The following ALOX5 variants were observed in gnomAD, a reference collection of about 807,000 sequenced individuals.
ALOX5 encodes the protein polyunsaturated fatty acid 5-lipoxygenase.
In ALOX5, 64 loss-of-function variants were observed where a neutral mutation model predicts 87.9. The observed-to-expected ratio is 0.73, with a 90% CI of 0.60 to 0.90. ALOX5 has a LOEUF of 0.90. Among genes scored for constraint, ALOX5 ranks in the 40% least tolerant of loss-of-function variants. ALOX5 has a pLI of 0.00. For missense variants in ALOX5, 822 were observed against 907.5 expected, an observed-to-expected ratio of 0.91 and a Z score of 1.21; for synonymous variants, 388 against 355.1, an observed-to-expected ratio of 1.09 and a Z score of -1.04.
At chr10:45,412,559 G>C (rs1233749397) in intron 4 of ALOX5, among the ~76,000 whole-genome samples, 1 of 152,212 alleles carries the variant, frequency 6.6e-6, no homozygotes, top group African/African-American at 2.4e-5. Flanking sequence ...TTGGCCCAAA[G>C]CAGGGGTCTT....
rs1234943929 is a variant in ALOX5, at chr10:45,385,214, G to T, written c.349+2533G>T. On this transcript the variant is annotated intron_variant, in intron 2 of 13. Coordinates refer to ENST00000374391, the MANE Select transcript of ALOX5 (RefSeq NM_000698.5). ...CTTGAACAACCTGGAAATGAGGGGG[G>T]CCAGCCTACAAGTGATTCAATTACT... 2.0e-5 allele frequency among the ~76,000 whole-genome samples: 3 copies of T among 152,170 alleles called. No homozygotes were observed. In the East Asian group the frequency reaches 5.8e-4, roughly 29 times the overall value.
At chr10:45,426,870 C>T (rs1333548847) in intron 6 of ALOX5, among the ~76,000 whole-genome samples, 1 of 152,134 alleles carries the variant, frequency 6.6e-6, no homozygotes, top group East Asian at 1.9e-4. Flanking sequence ...TTCAGATTTA[C>T]CTTCCACCAG....
intron 1 of ALOX5, among the ~76,000 whole-genome samples, chr10:45,379,302 A>G (rs528546246): frequency 1.3e-4 from 20 of 151,774 alleles, no homozygotes; most frequent in Non-Finnish European, 8.8e-5. Flanking sequence ...CCAGCCCCTC[A>G]GAGCCATAGG....
intron 4 of ALOX5, among the ~76,000 whole-genome samples, chr10:45,415,781 G>A (rs1012026945): frequency 6.6e-5 from 10 of 152,208 alleles, no homozygotes; most frequent in South Asian, 2.1e-4. Flanking sequence ...AGTCAGTTAT[G>A]TATTCCTCTT....
Position 45,391,010 on chromosome 10 carries a change from T to TCTCCCCTCTCC in ALOX5, c.350-4844_350-4843insTCCCCTCTCCC, listed in dbSNP as rs1564416256. ...TCTCCCCTCTCCCCTCTCCCCTCTCTCCTCTCCCATCTCCCCTCTCCCCTC... is the reference window on the plus strand; with the variant it reads ...TCTCCCCTCTCCCCTCTCCCCTCTCTCTCCCCTCTCCCCTCTCCCATCTCCCCTCTCCCCTC... On this transcript the variant is annotated intron_variant, in intron 2 of 13. Coordinates refer to ENST00000374391, the MANE Select transcript of ALOX5 (RefSeq NM_000698.5). Among the ~76,000 whole-genome samples, 30 of 29,364 alleles carry TCTCCCCTCTCC rather than the reference T, an allele frequency of 1.0e-3. 5 individuals carry two copies. Among genetic ancestry groups the TCTCCCCTCTCC allele is most frequent in the Admixed American group, 3.3e-3 (8 of 2,426 alleles). 19.3% of individuals were successfully genotyped at this position (29,364 alleles called of 152,430 possible).
At chr10:45,399,520 A>C (rs1231275151) in intron 3 of ALOX5, among the ~76,000 whole-genome samples, 1 of 152,264 alleles carries the variant, frequency 6.6e-6, no homozygotes, top group Non-Finnish European at 1.5e-5. Flanking sequence ...TCTAAAAGTA[A>C]GGGCTAACAA....
intron 4 of ALOX5, 141 bp from the exon 5 acceptor site, chr10:45,423,900 C>A: frequency 1.4e-6 from 1 of 691,782 alleles, no homozygotes; most frequent in Non-Finnish European, 2.6e-6. Flanking sequence ...TGACCTGGTT[C>A]TGAAAAGCCA....
intron 4 of ALOX5, among the ~76,000 whole-genome samples, chr10:45,419,908 G>C (rs1013707024): frequency 2.6e-5 from 4 of 152,188 alleles, no homozygotes; most frequent in South Asian, 2.1e-4. Flanking sequence ...GCTGGGGATC[G>C]GGAGAAGTGA....
At chr10:45,428,185 C>T (rs565399476) in intron 6 of ALOX5, among the ~76,000 whole-genome samples, 1 of 140,320 alleles carries the variant, frequency 7.1e-6, no homozygotes, top group South Asian at 2.5e-4. Context: ...CCTGTCTCTT[C>T]CTCCCAAGGG....
intron 2 of ALOX5, among the ~76,000 whole-genome samples, chr10:45,389,767 A>G (rs1840143748): frequency 6.6e-6 from 1 of 152,272 alleles, no homozygotes; most frequent in African/African-American, 2.4e-5. Context: ...CATCAATGCT[A>G]GGAAGAAACT....
chr10:45,379,231 C>G (rs1473980027), intron 1 of ALOX5, among the ~76,000 whole-genome samples: 1 of 152,122 alleles, frequency 6.6e-6, no homozygotes, highest in Non-Finnish European at 1.5e-5. Flanking sequence ...TCCCTGTTAG[C>G]TCCTCCCACC....
chr10:45,419,300 C>G (rs1390188656), intron 4 of ALOX5, among the ~76,000 whole-genome samples: 1 of 138,288 alleles, frequency 7.2e-6, no homozygotes, highest in Non-Finnish European at 1.6e-5. Context: ...AGCGGGGCAC[C>G]CGGCCGGGGG....
intron 1 of ALOX5, among the ~76,000 whole-genome samples, chr10:45,376,623 G>GTAACGA (rs1839622929): frequency 6.6e-6 from 1 of 152,172 alleles, no homozygotes; most frequent in South Asian, 2.1e-4. Context: ...GTTAACAGTA[G>GTAACGA]TAACGATAAC....
intron 1 of ALOX5, among the ~76,000 whole-genome samples, chr10:45,381,432 G>C (rs1021742249): frequency 6.6e-6 from 1 of 152,264 alleles, no homozygotes; most frequent in South Asian, 2.1e-4. Flanking sequence ...ATGATGGAAA[G>C]ACCTGGGGTG....
chr10:45,378,005 C>T (rs574062313), intron 1 of ALOX5, among the ~76,000 whole-genome samples: 6 of 152,272 alleles, frequency 3.9e-5, no homozygotes, highest in African/African-American at 9.6e-5. Context: ...TGCACCACCA[C>T]GCCACCCACT....
At chr10:45,377,149 A>G (rs1839645205) in intron 1 of ALOX5, among the ~76,000 whole-genome samples, 1 of 152,196 alleles carries the variant, frequency 6.6e-6, no homozygotes, top group African/African-American at 2.4e-5. Context: ...CAAGTGTAGA[A>G]AAGTGTTATA....
intron 3 of ALOX5, among the ~76,000 whole-genome samples, chr10:45,407,850 T>C (rs766774529): frequency 6.6e-6 from 1 of 152,170 alleles, no homozygotes; most frequent in Non-Finnish European, 1.5e-5. Context: ...ACTAGGAATT[T>C]CCTTGTGAGC....
rs191660761 is a variant in ALOX5 at position 45,400,400 on chromosome 10, G to A, written c.431+4464G>A. 5.9e-4 allele frequency among the ~76,000 whole-genome samples: 90 copies of A among 152,254 alleles called. No individual in the cohort carries two copies. In the South Asian group the frequency reaches 8.7e-3, roughly 15 times the overall value. ...AGATCACTTGAGGTCAGGAGTTTGA[G>A]ACCAACCTGGCCAACATGGTGAAAC... On this transcript the variant is annotated intron_variant, in intron 3 of 13. Coordinates refer to ENST00000374391, the MANE Select transcript of ALOX5 (RefSeq NM_000698.5).
At chr10:45,395,597 A>G (rs891581092) in intron 2 of ALOX5, among the ~76,000 whole-genome samples, 2 of 111,906 alleles carry the variant, frequency 1.8e-5, no homozygotes, top group African/African-American at 7.7e-5. Flanking sequence ...CTAGAACTTA[A>G]AGTAGAATTA....
Sources: gnomAD v4.1 joint callset for allele counts (sites outside exome capture counted in the v4.1 genomes callset) on GRCh38, gnomAD v4.1.1 for gene constraint, MANE v1.5 for transcripts, NCBI Gene and HGNC (gene_info 2026-07-23, HGNC 2026-07-21) for gene names.